Variants in CFAP20DC observed in about 807,000 individuals in gnomAD.
CFAP20DC encodes the protein protein CFAP20DC.
Under a neutral mutation model 101.7 loss-of-function variants are expected in CFAP20DC, and 84 were observed. That is an observed-to-expected ratio of 0.83 (90% CI 0.69 to 0.99). The LOEUF (loss-of-function observed/expected upper bound fraction) is 0.99. CFAP20DC is among the 50% of genes least tolerant of loss of function. The pLI, the probability that CFAP20DC is intolerant of heterozygous loss-of-function variation, is 0.00. For missense variants in CFAP20DC, 1,007 were observed against 970.3 expected, an observed-to-expected ratio of 1.04 and a Z score of -0.50; for synonymous variants, 359 against 351.2, an observed-to-expected ratio of 1.02 and a Z score of -0.25.
At chr3:58,796,247 C>T (rs978245444) in intron 15 of CFAP20DC, among the ~76,000 whole-genome samples, 4 of 152,208 alleles carry the variant, frequency 2.6e-5, no homozygotes, top group Non-Finnish European at 5.9e-5. Flanking sequence ...GCACTGTCCA[C>T]TCACATTGTA....
intron 14 of CFAP20DC, among the ~76,000 whole-genome samples, chr3:58,823,631 G>C: frequency 6.6e-6 from 1 of 152,014 alleles, no homozygotes; most frequent in East Asian, 1.9e-4. Context: ...GCTAGAATGT[G>C]AACCCAGGCA....
downstream of CFAP20DC, among the ~76,000 whole-genome samples, chr3:58,737,616 A>G (rs927404725): frequency 6.6e-6 from 1 of 152,182 alleles, no homozygotes; most frequent in African/African-American, 2.4e-5. This position sits in a 1 kb window ranked among gnomAD's most constrained non-coding sequence, Gnocchi z 4.1. Flanking sequence ...ACAAATGACA[A>G]TTACCACTAG....
At position 58,862,073 on chromosome 3, in the gene CFAP20DC, G is replaced by A. The variant is rs544645920; in HGVS notation, c.1593+1485C>T. On this transcript the variant is annotated intron_variant, in intron 12 of 16. Coordinates refer to ENST00000482387, the MANE Select transcript of CFAP20DC (RefSeq NM_001394063.1). ...AGGCTTAGCCTTCCTATAGATGGAA[G>A]AGGTAAGTTCTTCATGTGGTGTATT... is the stretch of plus-strand genomic sequence containing the variant. 46 of 972,926 alleles carry A rather than the reference G, an allele frequency of 4.7e-5. 1 individual carries two copies. In the South Asian group the frequency reaches 1.9e-3, roughly 39 times the overall value. The allele number at this position is 972,926 out of a possible 1,614,324, so 60.3% of individuals were successfully genotyped here. A position where few individuals can be genotyped will look rare whatever the true frequency, so the allele number is the denominator to read the frequency against.
intron 13 of CFAP20DC, among the ~76,000 whole-genome samples, chr3:58,837,783 C>G (rs1434922755): frequency 6.6e-6 from 1 of 151,930 alleles, no homozygotes; most frequent in Non-Finnish European, 1.5e-5. Context: ...GTTTTTGGAC[C>G]CCAACATGAC....
At position 58,728,306 on chromosome 3, in the gene CFAP20DC, G is replaced by C. The variant is rs2067584621; in HGVS notation, c.198-10678C>G. On this transcript the variant is annotated intron_variant, in intron 3 of 3. Coordinates refer to the CFAP20DC transcript ENST00000486145. This position sits in a 1 kb window ranked among gnomAD's most constrained non-coding sequence, Gnocchi z 4.7. The stretch of plus-strand genomic sequence containing the variant: ...AAAATACCTTTGGCTGTCCCATTGG[G>C]GAGGAAATTGGAAGAAGATTCACGT... Among the ~76,000 whole-genome samples the C allele has an allele frequency of 1.3e-5, 2 of 152,182 alleles. No individual in the cohort carries two copies. Among genetic ancestry groups the C allele is most frequent in the African/African-American group, 4.8e-5 (2 of 41,450 alleles).
intron 16 of CFAP20DC, 81 bp from the exon 17 acceptor site, chr3:58,742,653 A>G (rs1474857503): frequency 5.2e-6 from 5 of 967,144 alleles, no homozygotes; most frequent in African/African-American, 3.3e-5. Context: ...AGCAGGAATC[A>G]CCATCTCTCC....
intron 4 of CFAP20DC, among the ~76,000 whole-genome samples, chr3:58,959,590 G>A (rs891045020): frequency 6.6e-6 from 1 of 152,154 alleles, no homozygotes; most frequent in Admixed American, 6.6e-5. Flanking sequence ...GTAAGGATTT[G>A]TTTCTTGACT....
intron 13 of CFAP20DC, among the ~76,000 whole-genome samples, chr3:58,848,335 A>G (rs987147985): frequency 6.6e-6 from 1 of 152,294 alleles, no homozygotes. Context: ...AAGCTTTACA[A>G]TGCAACACCC....
At chr3:58,779,654 G>T (rs944891873) in intron 15 of CFAP20DC, among the ~76,000 whole-genome samples, 1 of 152,062 alleles carries the variant, frequency 6.6e-6, no homozygotes, top group Non-Finnish European at 1.5e-5. Flanking sequence ...AAATGACCCA[G>T]TCTGACAAAA....
rs73837006 is a variant in CFAP20DC at position 59,002,176 on chromosome 3, G to A, written c.278+37381C>T. ...TCACAAAGTTACTCGCAGAGCCTCT[G>A]TTTCCTCATCTACAAAATGGAACAA... On this transcript the variant is annotated intron_variant, in intron 4 of 16. Coordinates refer to ENST00000482387, the MANE Select transcript of CFAP20DC (RefSeq NM_001394063.1). This position sits in a 1 kb window ranked among gnomAD's most constrained non-coding sequence, Gnocchi z 4.5. Among the ~76,000 whole-genome samples, 2,728 of 152,164 alleles carry A rather than the reference G, an allele frequency of 0.018. 69 individuals carry two copies. The highest frequency in any genetic ancestry group is 0.061 in the African/African-American group (2,538 of 41,514).
chr3:58,784,793 A>C (rs919998878), intron 15 of CFAP20DC, among the ~76,000 whole-genome samples: 3 of 152,146 alleles, frequency 2.0e-5, no homozygotes, highest in African/African-American at 7.2e-5. Context: ...AAAGTATATA[A>C]GCTTTCTGAA....
At chr3:58,854,979 G>T (rs1374834951) in intron 12 of CFAP20DC, among the ~76,000 whole-genome samples, 1 of 145,420 alleles carries the variant, frequency 6.9e-6, no homozygotes, top group Non-Finnish European at 1.5e-5. Context: ...AGCCAAAATT[G>T]ACAAATGGGA....
chr3:58,990,299 G>A (rs1038284797), intron 4 of CFAP20DC, among the ~76,000 whole-genome samples: 3 of 152,068 alleles, frequency 2.0e-5, no homozygotes, highest in East Asian at 3.8e-4. Context: ...AAATAGAGCT[G>A]GAATTCTTTG....
chr3:58,852,155 A>G (rs1420908456), intron 12 of CFAP20DC, among the ~76,000 whole-genome samples: 1 of 152,080 alleles, frequency 6.6e-6, no homozygotes, highest in Non-Finnish European at 1.5e-5. Context: ...TGTCTTCAGG[A>G]TCATAGTGGT....
chr3:58,992,669 ACATT>A, intron 4 of CFAP20DC: 1 of 498,624 alleles, frequency 2.0e-6, no homozygotes, highest in Non-Finnish European at 2.6e-6. Context: ...GTTCAAATTT[ACATT>A]TATAAATTTA....
In CFAP20DC at chr3:58,722,819, G is replaced by A. The variant is rs1279950270; in HGVS notation, c.198-5191C>T. Among the ~76,000 whole-genome samples the A allele has an allele frequency of 2.0e-5, 3 of 152,230 alleles. No homozygotes were observed. Among genetic ancestry groups the A allele is most frequent in the African/African-American group, 7.2e-5 (3 of 41,456 alleles). On this transcript the variant is annotated intron_variant, in intron 3 of 3. Transcript: ENST00000486145. This position sits in a 1 kb window ranked among gnomAD's most constrained non-coding sequence, Gnocchi z 4.5. Reference sequence around the variant, plus strand: ...TCATCTTGCACTGCATTTGGATTCAGTGTCAGCAGAATATAGCAGCTGCCT... The same window carrying A: ...TCATCTTGCACTGCATTTGGATTCAATGTCAGCAGAATATAGCAGCTGCCT...
chr3:58,737,198 C>G (rs1229743000), downstream of CFAP20DC: 2 of 456,454 alleles, frequency 4.4e-6, no homozygotes, highest in African/African-American at 2.0e-5. The surrounding 1 kb of genome is among the most constrained non-coding windows in gnomAD (Gnocchi z 4.1). Flanking sequence ...CATCTTGTTA[C>G]AGCCTGGTCA....
At chr3:58,928,836 A>C (rs1405403930) in intron 5 of CFAP20DC, among the ~76,000 whole-genome samples, 4 of 152,202 alleles carry the variant, frequency 2.6e-5, no homozygotes, top group African/African-American at 9.7e-5. Flanking sequence ...CATGAGCTGA[A>C]GTCACCTAGG....
At chr3:58,925,554 T>A (rs1395570246) in intron 5 of CFAP20DC, among the ~76,000 whole-genome samples, 1 of 152,240 alleles carries the variant, frequency 6.6e-6, no homozygotes, top group Non-Finnish European at 1.5e-5. Flanking sequence ...CAGAGGTTTA[T>A]GATGATACCA....
Sources: allele counts gnomAD v4.1 joint callset (sites outside exome capture counted in the v4.1 genomes callset), GRCh38; gene constraint gnomAD v4.1.1; non-coding constraint Gnocchi (gnomAD v3.1); transcripts MANE v1.5; gene names NCBI Gene and HGNC (gene_info 2026-07-23, HGNC 2026-07-21).